SORCS2: variants seen among roughly 807,000 people sequenced by gnomAD.
SORCS2 encodes VPS10 domain-containing receptor SorCS2.
A neutral mutation model predicts 141.6 loss-of-function variants in SORCS2; 100 were observed. The ratio of observed to expected loss-of-function variants is 0.71; its 90% CI spans 0.60 to 0.83. The LOEUF is 0.83. SORCS2 is among the 40% of genes least tolerant of loss of function. The pLI, the probability that SORCS2 is intolerant of heterozygous loss-of-function variation, is 0.00. For synonymous variants in SORCS2, 789 were observed against 676.9 expected (o/e 1.17, Z -2.57); for missense variants, 1,646 against 1,560.2 (o/e 1.05, Z -0.93).
At chr4:7,470,272 GCCATCCTCCCGTCCTCCCTTCCAT>G in intron 2 of SORCS2, among the ~76,000 whole-genome samples, 1 of 147,484 alleles carries the variant, frequency 6.8e-6, no homozygotes, top group African/African-American at 2.5e-5. Flanking sequence ...CTCCCATCCT[GCCATCCTCCCGTCCTCCCTTCCAT>G]CCATCTACAT....
chr4:7,338,409 C>T (rs907465023), intron 1 of SORCS2, among the ~76,000 whole-genome samples: 4 of 80,652 alleles, frequency 5.0e-5, no homozygotes, highest in Non-Finnish European at 9.9e-5. Flanking sequence ...GGTTGGATGT[C>T]GGTTGGATGG....
chr4:7,401,692 G>C (rs1004978092), intron 2 of SORCS2, among the ~76,000 whole-genome samples: 1 of 152,176 alleles, frequency 6.6e-6, no homozygotes, highest in Admixed American at 6.5e-5. Context: ...GGGACTCTGT[G>C]CCTGTGCCAT....
Position 7,196,404 on chromosome 4 carries a change from C to G in SORCS2, c.480+3278C>G, listed in dbSNP as rs76675854. ...ATTCCTATGGGGAATGTGCTGTGCCCCGTCCTGTTCTTAATGTTTCTGGGA... is the reference window on the plus strand; with the variant it reads ...ATTCCTATGGGGAATGTGCTGTGCCGCGTCCTGTTCTTAATGTTTCTGGGA... On this transcript the variant is annotated intron_variant, in intron 1 of 26. Transcript: ENST00000507866. Among the ~76,000 whole-genome samples the G allele has an allele frequency of 2.6e-4, 40 of 152,198 alleles. No homozygotes were observed. In the East Asian group the frequency reaches 7.3e-3, roughly 28 times the overall value.
chr4:7,582,944 G>T (rs768615401), intron 3 of SORCS2, among the ~76,000 whole-genome samples: 1 of 152,200 alleles, frequency 6.6e-6, no homozygotes, highest in Non-Finnish European at 1.5e-5. Context: ...CCCACCGTGG[G>T]CTTATTCCTT....
intron 10 of SORCS2, among the ~76,000 whole-genome samples, chr4:7,683,493 A>G (rs1445646347): frequency 6.6e-6 from 1 of 152,244 alleles, no homozygotes; most frequent in Non-Finnish European, 1.5e-5. Flanking sequence ...CACATCTTGC[A>G]TCCTTCTCCT....
chr4:7,637,273 C>G (rs1314660525), intron 3 of SORCS2, among the ~76,000 whole-genome samples: 1 of 152,092 alleles, frequency 6.6e-6, no homozygotes, highest in African/African-American at 2.4e-5. Flanking sequence ...TGCTCCAGCC[C>G]CATATCTGCC....
Position 7,733,428 on chromosome 4 carries a change from C to T in SORCS2, c.3208+7C>T. 6.4e-7 allele frequency: 1 copy of T among 1,573,664 alleles called. No homozygotes were observed. Among genetic ancestry groups the T allele is most frequent in the Non-Finnish European group, 8.6e-7 (1 of 1,159,290 alleles). ...CTGCGGGACACAGGCACAGGTGAGC[C>T]ACTGGGAGCTCCCCTGCGGAATGGG... is the stretch of plus-strand genomic sequence containing the variant. On this transcript the variant is annotated splice_region_variant and intron_variant, in intron 24 of 26. Coordinates refer to ENST00000507866, the MANE Select transcript of SORCS2 (RefSeq NM_020777.3).
In SORCS2 at chr4:7,543,658, A is replaced by AC. The variant is rs1405586375; in HGVS notation, c.648+12032dup. On this transcript the variant is annotated intron_variant, in intron 3 of 26. Coordinates refer to ENST00000507866, the MANE Select transcript of SORCS2 (RefSeq NM_020777.3). ...CATCCGTCCATCCGTCCATCCATCCACCCACCCATCCATCCATCCACCCAT... is the reference window on the plus strand; with the variant it reads ...CATCCGTCCATCCGTCCATCCATCCACCCCACCCATCCATCCATCCACCCAT... 3.2e-3 allele frequency among the ~76,000 whole-genome samples: 434 copies of AC among 133,800 alleles called. 3 individuals carry two copies. The highest frequency in any genetic ancestry group is 5.2e-3 in the Non-Finnish European group (319 of 61,246). 87.8% of individuals were successfully genotyped at this position (133,800 alleles called of 152,430 possible).
chr4:7,403,961 GTA>G (rs71635960), intron 2 of SORCS2, among the ~76,000 whole-genome samples: 78 of 29,878 alleles, frequency 2.6e-3, no homozygotes, highest in Middle Eastern at 0.021. Context: ...CTCCATGTGT[GTA>G]TATATATATA....
chr4:7,742,426 G>C lies in SORCS2; in HGVS notation c.*2162G>C, dbSNP rs946445882. On this transcript the variant is annotated 3_prime_UTR_variant, in exon 27 of 27. Transcript: ENST00000507866. The stretch of plus-strand genomic sequence containing the variant: ...GTGCCTGCGGTAGCCACTCTAGGTC[G>C]TTGGCCTTCCTTGACCACTCCATTT... 1 of 152,300 alleles carries C rather than the reference G, an allele frequency of 6.6e-6. No homozygotes were observed. Among genetic ancestry groups the C allele is most frequent in the African/African-American group, 2.4e-5 (1 of 41,462 alleles). The allele number at this position is 152,300 out of a possible 1,614,324, so 9.4% of individuals were successfully genotyped here.
chr4:7,424,271 A>G (rs957430841), intron 2 of SORCS2, among the ~76,000 whole-genome samples: 3 of 152,212 alleles, frequency 2.0e-5, no homozygotes, highest in African/African-American at 7.2e-5. Flanking sequence ...TCTGAAGGGT[A>G]GGGTGGGGTG....
chr4:7,672,578 A>G (rs1401793187), intron 8 of SORCS2, among the ~76,000 whole-genome samples: 3 of 152,214 alleles, frequency 2.0e-5, no homozygotes, highest in Non-Finnish European at 4.4e-5. Flanking sequence ...ATACAACATA[A>G]TAAACAATAC....
chr4:7,248,242 G>A (rs1169628278), intron 1 of SORCS2, among the ~76,000 whole-genome samples: 2 of 152,222 alleles, frequency 1.3e-5, no homozygotes, highest in Non-Finnish European at 2.9e-5. Flanking sequence ...CAGCTGAGAG[G>A]CTGTGTGTGG....
intron 2 of SORCS2, chr4:7,433,178 T>G: frequency 1.1e-6 from 1 of 898,822 alleles, no homozygotes; most frequent in Non-Finnish European, 1.5e-6. Flanking sequence ...TCAGGAATAC[T>G]TGGTTTTGAA....
intron 2 of SORCS2, among the ~76,000 whole-genome samples, chr4:7,477,421 C>G (rs1730372611): frequency 1.1e-4 from 1 of 9,308 alleles, no homozygotes; most frequent in African/African-American, 1.4e-4. Context: ...CTGACCGTGG[C>G]TGATCGGGGC....
chr4:7,444,639 CA>C (rs1332924844), intron 2 of SORCS2, among the ~76,000 whole-genome samples: 1 of 152,074 alleles, frequency 6.6e-6, no homozygotes, highest in Non-Finnish European at 1.5e-5. Context: ...AGTGGGGAGC[CA>C]TAGCAGGGTT....
intron 4 of SORCS2, among the ~76,000 whole-genome samples, chr4:7,650,729 AG>A: frequency 3.2e-5 from 1 of 31,078 alleles, no homozygotes; most frequent in Non-Finnish European, 6.5e-5. Flanking sequence ...CGCCCCGCCC[AG>A]CCCAGCCCAG....
rs1466932484 is a variant in SORCS2, at chr4:7,697,208, C to T, written c.1602C>T (p.Gly534=). The change falls in exon 12 of 27, where the codon GGC becomes GGT. Residue 534 remains glycine, a synonymous_variant. Coordinates refer to ENST00000507866, the MANE Select transcript of SORCS2 (RefSeq NM_020777.3). The stretch of plus-strand genomic sequence containing the variant: ...TTTCTTTTGGACCAGGTAACCTGGG[C>T]TCACAGCTGGTGGAATATAAAGAAG... ...PGLIMGAGNL[G]SQLVEYKEEM... is the part of the protein sequence containing the mutation. 6.3e-7 allele frequency: 1 copy of T among 1,583,222 alleles called. No homozygotes were observed. Among genetic ancestry groups the T allele is most frequent in the Non-Finnish European group, 8.6e-7 (1 of 1,164,618 alleles).
intron 2 of SORCS2, among the ~76,000 whole-genome samples, chr4:7,485,808 G>A (rs1382810721): frequency 1.3e-5 from 2 of 152,200 alleles, no homozygotes; most frequent in Non-Finnish European, 2.9e-5. Flanking sequence ...AGGAGGGAGA[G>A]ACGTGTGGAG....
Sources: gnomAD v4.1 joint callset for allele counts (sites outside exome capture counted in the v4.1 genomes callset) on GRCh38, gnomAD v4.1.1 for gene constraint, MANE v1.5 for transcripts, NCBI Gene and HGNC (gene_info 2026-07-23, HGNC 2026-07-21) for gene names.